Variants in FLG2 observed in about 807,000 individuals in gnomAD.
The protein encoded by FLG2 is filaggrin 2.
Under a neutral mutation model 3.9 loss-of-function variants are expected in FLG2, and 7 were observed. That is an observed-to-expected ratio of 1.79 (90% CI 1.02 to 3.36). The LOEUF (loss-of-function observed/expected upper bound fraction) is 3.36, where lower values mean the gene tolerates loss of function less well. Ranked by LOEUF, FLG2 falls within the 30% of genes most tolerant of loss-of-function variation. The pLI is 0.00. For synonymous variants in FLG2, 1,031 were observed against 1,056.1 expected, an observed-to-expected ratio of 0.98 and a Z score of 0.46; for missense variants, 2,700 against 2,809.4, an observed-to-expected ratio of 0.96 and a Z score of 0.88.
Position 152,353,353 on chromosome 1 carries a change from T to C in FLG2, c.4433A>G (p.His1478Arg), listed in dbSNP as rs994734076. The C allele has an allele frequency of 7.4e-6, 12 of 1,613,232 alleles. No individual in the cohort carries two copies. The highest frequency in any genetic ancestry group is 1.0e-5 in the Non-Finnish European group (12 of 1,179,812). The change falls in exon 3 of 3, where the codon CAT (histidine) becomes CGT (arginine). Residue 1478 changes from histidine to arginine, a missense_variant. By Grantham distance (29) the His-to-Arg change is conservative. Transcript: ENST00000388718. Reference protein sequence around the residue: ...THGQTGDTTRHAHYHHGKSTQ... With the variant: ...THGQTGDTTRRAHYHHGKSTQ... The stretch of plus-strand genomic sequence containing the variant: ...GGATTTTCCATGATGATAGTGGGCA[T>C]GTCTAGTGGTATCTCCTGTCTGTCC...
Position 152,356,293 on chromosome 1 carries a change from C to A in FLG2, c.1493G>T (p.Gly498Val). The A allele has an allele frequency of 6.2e-7, 1 of 1,614,074 alleles. No individual in the cohort carries two copies. Among genetic ancestry groups the A allele is most frequent in the South Asian group, 1.1e-5 (1 of 91,066 alleles). The part of the protein sequence containing the change: ...QSSGFGQCGS[G>V]SGQSSGFGQH... The stretch of plus-strand genomic sequence containing the variant: ...TCCAAAGCCAGAGGACTGACCTGAG[C>A]CTGACCCACATTGTCCAAAGCCAGA... The change falls in exon 3 of 3, where the codon GGC becomes GTC. Residue 498 changes from glycine to valine, a missense_variant. Physicochemically the swap from Gly to Val is moderately radical, Grantham distance 109. Transcript: ENST00000388718.
chr1:152,357,724 G>C, intron 2 of FLG2, 77 bp from the exon 3 acceptor site: 2 of 982,318 alleles, frequency 2.0e-6, no homozygotes, highest in Non-Finnish European at 3.1e-6. Context: ...AAATAGCGCT[G>C]TGAAATTATG....
At position 152,352,491 on chromosome 1, in the gene FLG2, C is replaced by T; in HGVS notation, c.5295G>A (p.Glu1765=). Reference sequence around the variant, plus strand: ...TCTGTCCATGTATAGTTCCATGTCTCTCATGAACTATGGATTCTGACTCTC... The same window carrying T: ...TCTGTCCATGTATAGTTCCATGTCTTTCATGAACTATGGATTCTGACTCTC... ...QHGESESIVH[E]RHGTIHGQTG... is the part of the protein sequence containing the mutation. The change falls in exon 3 of 3, where the codon GAG becomes GAA. Residue 1765 remains glutamate (E), a synonymous_variant. Transcript: ENST00000388718. 1.2e-6 allele frequency: 2 copies of T among 1,612,944 alleles called. No homozygotes were observed. Among genetic ancestry groups the T allele is most frequent in the Non-Finnish European group, 1.7e-6 (2 of 1,179,750 alleles).
At position 152,357,202 on chromosome 1, in the gene FLG2, T is replaced by C; in HGVS notation, c.584A>G (p.Asp195Gly). 1.2e-6 allele frequency: 2 copies of C among 1,614,202 alleles called. No individual in the cohort carries two copies. The highest frequency in any genetic ancestry group is 1.7e-6 in the Non-Finnish European group (2 of 1,180,030). ...TTCTACAGAGCTGGAACCATGTCTG[T>C]CTTTGCCACCACTCCATGAATGACC... ...SCGHSWSGGK[D>G]RHGSSSVELR... The change falls in exon 3 of 3, where the codon GAC becomes GGC. Residue 195 changes from aspartate to glycine, a missense_variant. Coordinates refer to ENST00000388718, the MANE Select transcript of FLG2 (RefSeq NM_001014342.3).
rs143786396 is a variant in FLG2 at position 152,356,228 on chromosome 1, G to T, written c.1558C>A (p.Gln520Lys). ...GATTGTCCTGAGACAGACCCATGCT[G>T]TCCAAAACCAGAGGATTGTCCTGAG... ...SVSGQSSGFGQHGSVSGQSSG... is the reference protein window; with the variant it reads ...SVSGQSSGFGKHGSVSGQSSG... The change falls in exon 3 of 3, where the codon CAG becomes AAG. Residue 520 changes from glutamine (Q) to lysine (K), a missense_variant. By Grantham distance (53) the Gln-to-Lys change is moderately conservative. Coordinates refer to ENST00000388718, the MANE Select transcript of FLG2 (RefSeq NM_001014342.3). The T allele has an allele frequency of 9.3e-6, 15 of 1,613,842 alleles. No homozygotes were observed. The highest frequency in any genetic ancestry group is 1.3e-5 in the Non-Finnish European group (15 of 1,180,018).
At position 152,353,011 on chromosome 1, in the gene FLG2, G is replaced by C. The variant is rs376175147; in HGVS notation, c.4775C>G (p.Pro1592Arg). Residue 1592 changes from proline to arginine, a missense_variant, in exon 3 of 3, where the codon CCA becomes CGA. By Grantham distance (103) the Pro-to-Arg change is moderately radical. Transcript: ENST00000388718. ...GCCGTAAGTGTGTTCTCGTGAGTGT[G>C]GTCTGTGTGAGCCCCCTGAGTGCAC... ...SEVHSGGSHR[P>R]HSREHTYGQA... The C allele has an allele frequency of 5.0e-6, 8 of 1,598,050 alleles. No individual in the cohort carries two copies. In the African/African-American group the frequency reaches 1.2e-4, roughly 23 times the overall value.
chr1:152,353,496 A>G lies in FLG2; in HGVS notation c.4290T>C (p.Ser1430=). 6.2e-7 allele frequency: 1 copy of G among 1,612,790 alleles called. No individual in the cohort carries two copies. Among genetic ancestry groups the G allele is most frequent in the South Asian group, 1.1e-5 (1 of 91,026 alleles). The change falls in exon 3 of 3, where the codon AGT becomes AGC. Residue 1430 remains serine, a synonymous_variant. Coordinates refer to ENST00000388718, the MANE Select transcript of FLG2 (RefSeq NM_001014342.3). ...RGSGHSESSD[S]EVHSGGSHRP... ...TGTGTGAGCCCCCTGAGTGCACTTC[A>G]CTGTCACTGGACTCACTATGGCCAG...
intron 2 of FLG2, among the ~76,000 whole-genome samples, chr1:152,358,486 C>CT (rs1654333845): frequency 1.3e-5 from 2 of 151,958 alleles, no homozygotes; most frequent in Non-Finnish European, 1.5e-5. Flanking sequence ...TTATTTTCTG[C>CT]TTTTTCTAAG....
Position 152,356,280 on chromosome 1 carries a change from G to A in FLG2, c.1506C>T (p.Ser502=), listed in dbSNP as rs780039098. ...FGQCGSGSGQ[S]SGFGQHGSVS... ...CAGACCCATGCTGTCCAAAGCCAGA[G>A]GACTGACCTGAGCCTGACCCACATT... Residue 502 remains serine (S), a synonymous_variant, in exon 3 of 3, where the codon TCC becomes TCT. Coordinates refer to ENST00000388718, the MANE Select transcript of FLG2 (RefSeq NM_001014342.3). The A allele has an allele frequency of 1.2e-6, 2 of 1,613,602 alleles. No individual in the cohort carries two copies. The highest frequency in any genetic ancestry group is 1.7e-6 in the Non-Finnish European group (2 of 1,179,980).
Position 152,354,322 on chromosome 1 carries a change from T to C in FLG2, c.3464A>G (p.Gln1155Arg), listed in dbSNP as rs1247042025. Residue 1155 changes from glutamine (Q) to arginine (R), a missense_variant, in exon 3 of 3, where the codon CAA becomes CGA. Transcript: ENST00000388718. ...TGATTGACTGGAGCCAGTACCATGT[T>C]GGCCATAGCTAGACTGACCTGATCT... Reference protein sequence around the residue: ...EYRSGQSSYGQHGTGSSQSSG... With the variant: ...EYRSGQSSYGRHGTGSSQSSG... 6.2e-7 allele frequency: 1 copy of C among 1,614,108 alleles called. No homozygotes were observed. The highest frequency in any genetic ancestry group is 8.5e-7 in the Non-Finnish European group (1 of 1,180,032).
Position 152,353,803 on chromosome 1 carries a change from C to A in FLG2, c.3983G>T (p.Gly1328Val). Residue 1328 changes from glycine to valine, a missense_variant, in exon 3 of 3, where the codon GGT becomes GTT. Transcript: ENST00000388718. ...RGDTTRHGHS[G>V]HGQSTQTGSR... ...ACCTGTCTGTGTAGACTGTCCATGA[C>A]CAGAATGGCCATGTCTAGTGGTATC... 1 of 1,613,376 alleles carries A rather than the reference C, an allele frequency of 6.2e-7. No homozygotes were observed. Among genetic ancestry groups the A allele is most frequent in the Non-Finnish European group, 8.5e-7 (1 of 1,179,744 alleles).
In FLG2 at chr1:152,358,793, C is replaced by A; in HGVS notation, c.92G>T (p.Gly31Val). ...TTTCTCCAGAAGTTCCTTTAGTTCA[C>A]CCTTGCTCAGTGTGCCACACTCCCC... The part of the protein sequence containing the change: ...QDGECGTLSK[G>V]ELKELLEKEL... Residue 31 changes from glycine to valine, a missense_variant, in exon 2 of 3, where the codon GGT (glycine) becomes GTT (valine). Coordinates refer to ENST00000388718, the MANE Select transcript of FLG2 (RefSeq NM_001014342.3). The A allele has an allele frequency of 6.2e-7, 1 of 1,614,052 alleles. No individual in the cohort carries two copies. Among genetic ancestry groups the A allele is most frequent in the East Asian group, 2.2e-5 (1 of 44,880 alleles).
Position 152,358,902 on chromosome 1 carries a change from T to G in FLG2, c.-18A>C, listed in dbSNP as rs1363001143. ...TCGGTCATCTTTTTGCAAGTTTAAG[T>G]GAACCTGGACACAGAAAAACAAAGA... On this transcript the variant is annotated 5_prime_UTR_variant, in exon 2 of 3. Coordinates refer to ENST00000388718, the MANE Select transcript of FLG2 (RefSeq NM_001014342.3). The G allele has an allele frequency of 6.2e-7, 1 of 1,610,300 alleles. No individual in the cohort carries two copies. Among genetic ancestry groups the G allele is most frequent in the South Asian group, 1.1e-5 (1 of 90,036 alleles).
chr1:152,355,964 G>A lies in FLG2; in HGVS notation c.1822C>T (p.Gln608Ter). Residue 608 changes from glutamine (Q) to a stop codon, truncating the protein, a stop_gained, in exon 3 of 3, where the codon CAA becomes TAA. Coordinates refer to ENST00000388718, the MANE Select transcript of FLG2 (RefSeq NM_001014342.3). LOFTEE classifies it low-confidence loss of function (END_TRUNC). ...GACTGACCTGATCTAGACTCATGTT[G>A]TCCAAAGCCAGAGGATTGTCCTGAG... ...SGSGQSSGFG[Q>*]HESRSGQSSY... The A allele has an allele frequency of 6.2e-7, 1 of 1,608,828 alleles. No individual in the cohort carries two copies. Among genetic ancestry groups the A allele is most frequent in the Non-Finnish European group, 8.5e-7 (1 of 1,177,464 alleles).
In FLG2 at chr1:152,355,877, T is replaced by A. The variant is rs1344501544; in HGVS notation, c.1909A>T (p.Arg637Ter). The A allele has an allele frequency of 6.2e-7, 1 of 1,610,684 alleles. No individual in the cohort carries two copies. The highest frequency in any genetic ancestry group is 1.4e-5 in the African/African-American group (1 of 73,340). The change falls in exon 3 of 3, where the codon AGA (arginine) becomes TGA (stop). Residue 637 changes from arginine to a stop codon, truncating the protein, a stop_gained. Transcript: ENST00000388718. LOFTEE classifies it low-confidence loss of function (END_TRUNC). ...TGTTGTCCAAAGCCAGATGTCTGTC[T>A]AGACCCATGTTGGCCATAGCCAGAT... is the stretch of plus-strand genomic sequence containing the variant. ...QSSGYGQHGS[R>*]QTSGFGQHGS...
rs947688353 is a variant in FLG2 at position 152,354,331 on chromosome 1, C to A, written c.3455G>T (p.Ser1152Ile). Residue 1152 changes from serine (S) to isoleucine (I), a missense_variant, in exon 3 of 3, where the codon AGC (serine) becomes ATC (isoleucine). Transcript: ENST00000388718. ...GGAGCCAGTACCATGTTGGCCATAG[C>A]TAGACTGACCTGATCTGTACTCATG... ...AQHEYRSGQS[S>I]YGQHGTGSSQ... The A allele has an allele frequency of 1.2e-6, 2 of 1,614,036 alleles. No individual in the cohort carries two copies. The highest frequency in any genetic ancestry group is 2.7e-5 in the African/African-American group (2 of 74,896).
In FLG2 at chr1:152,357,019, G is replaced by A. The variant is rs1417078408; in HGVS notation, c.767C>T (p.Ser256Leu). Reference protein sequence around the residue: ...TSGHESNSTQSRIREQKLGSS... With the variant: ...TSGHESNSTQLRIREQKLGSS... ...CCCAAGCTTTTGTTCTCTAATTCTTGACTGAGTAGAGTTTGATTCATGCCC... is the reference window on the plus strand; with the variant it reads ...CCCAAGCTTTTGTTCTCTAATTCTTAACTGAGTAGAGTTTGATTCATGCCC... Residue 256 changes from serine to leucine, a missense_variant, in exon 3 of 3, where the codon TCA (serine) becomes TTA (leucine). Physicochemically the swap from Ser to Leu is moderately radical, Grantham distance 145. Coordinates refer to ENST00000388718, the MANE Select transcript of FLG2 (RefSeq NM_001014342.3). 6.2e-7 allele frequency: 1 copy of A among 1,614,116 alleles called. No individual in the cohort carries two copies. Among genetic ancestry groups the A allele is most frequent in the Admixed American group, 1.7e-5 (1 of 60,014 alleles).
chr1:152,350,259 G>A lies in FLG2; in HGVS notation c.*351C>T, dbSNP rs1372096601. The A allele has an allele frequency of 4.2e-6, 1 of 239,008 alleles. No individual in the cohort carries two copies. Among genetic ancestry groups the A allele is most frequent in the African/African-American group, 2.3e-5 (1 of 44,396 alleles). The allele number at this position is 239,008 out of a possible 1,614,324, so 14.8% of individuals were successfully genotyped here. A position where few individuals can be genotyped will look rare whatever the true frequency, so the allele number is the denominator to read the frequency against. On this transcript the variant is annotated 3_prime_UTR_variant, in exon 3 of 3. Coordinates refer to ENST00000388718, the MANE Select transcript of FLG2 (RefSeq NM_001014342.3). The stretch of plus-strand genomic sequence containing the variant: ...TCTCCCAATCTTCTGAATGCTTTTT[G>A]TTATCAGTATGGGATTCCTGTTTTC...
rs200882007 is a variant in FLG2, at chr1:152,356,522, C to G, written c.1264G>C (p.Gly422Arg). ...EFSKCDQYGS[G>R]SSQSTSFEQH... ...TCAAAGCTAGTAGACTGACTTGAAC[C>G]AGACCCATATTGATCACATTTGGAA... is the stretch of plus-strand genomic sequence containing the variant. The change falls in exon 3 of 3, where the codon GGT (glycine) becomes CGT (arginine). Residue 422 changes from glycine (G) to arginine (R), a missense_variant. Coordinates refer to ENST00000388718, the MANE Select transcript of FLG2 (RefSeq NM_001014342.3). 9 of 1,614,094 alleles carry G rather than the reference C, an allele frequency of 5.6e-6. No individual in the cohort carries two copies. The highest frequency in any genetic ancestry group is 7.6e-6 in the Non-Finnish European group (9 of 1,180,040).
Sources: allele counts gnomAD v4.1 joint callset (sites outside exome capture counted in the v4.1 genomes callset), GRCh38; gene constraint gnomAD v4.1.1; transcripts MANE v1.5; gene names NCBI Gene and HGNC (gene_info 2026-07-23, HGNC 2026-07-21).